ZNF559: variants seen among roughly 807,000 people sequenced by gnomAD.
The protein encoded by ZNF559 is putative protein product of Nbla00121.
In ZNF559, 17 loss-of-function variants were observed where a neutral mutation model predicts 14.2. The observed-to-expected ratio is 1.20, with a 90% confidence interval of 0.82 to 1.80. The LOEUF is 1.80. ZNF559 is among the 40% of genes most tolerant of loss of function. The probability of loss-of-function intolerance (pLI) is 0.00; values close to 1 mark genes in which losing one functional copy is unlikely to be tolerated. For synonymous variants in ZNF559, 244 were observed against 212.4 expected, an observed-to-expected ratio of 1.15 and a Z score of -1.29; for missense variants, 740 against 629.7, an observed-to-expected ratio of 1.18 and a Z score of -1.88.
At chr19:9,337,537 T>C (rs941837509) in intron 2 of ZNF559, among the ~76,000 whole-genome samples, 2 of 152,044 alleles carry the variant, frequency 1.3e-5, no homozygotes, top group African/African-American at 4.8e-5. Context: ...ACCTCAGGAG[T>C]TTAGGTTTGT....
Position 9,342,700 on chromosome 19 carries a change from G to C in ZNF559, c.1249G>C (p.Ala417Pro), listed in dbSNP as rs954659290. 8 of 1,614,088 alleles carry C rather than the reference G, an allele frequency of 5.0e-6. No individual in the cohort carries two copies. The highest frequency in any genetic ancestry group is 6.8e-6 in the Non-Finnish European group (8 of 1,180,046). The change falls in exon 7 of 7, where the codon GCC becomes CCC. Residue 417 changes from alanine (A) to proline (P), a missense_variant. By Grantham distance (27) the Ala-to-Pro change is conservative (BLOSUM62 -1). Transcript: ENST00000603380. The part of the protein sequence containing the change: ...KPYDCQQCGK[A>P]FIRSSFLIRH... ...CTATGACTGTCAACAGTGTGGGAAA[G>C]CCTTCATTCGATCCTCATTTCTTAT...
chr19:9,330,400 C>T (rs993113460), intron 2 of ZNF559, among the ~76,000 whole-genome samples: 1 of 152,158 alleles, frequency 6.6e-6, no homozygotes, highest in African/African-American at 2.4e-5. Flanking sequence ...TTTATATAGG[C>T]TTTCTACTCA....
intron 2 of ZNF559, among the ~76,000 whole-genome samples, chr19:9,327,821 A>G (rs1053046266): frequency 1.3e-5 from 2 of 152,044 alleles, no homozygotes; most frequent in African/African-American, 2.4e-5. Flanking sequence ...AACTGTCCCA[A>G]TTTTGACCAA....
chr19:9,341,467 T>C lies in ZNF559; in HGVS notation c.244-228T>C, dbSNP rs534060278. Reference sequence around the variant, plus strand: ...GGGCCGTTATCAGCTAAGCTCTATTTAGAAGCCCTCTGAAAGTAAAGAATA... The same window carrying C: ...GGGCCGTTATCAGCTAAGCTCTATTCAGAAGCCCTCTGAAAGTAAAGAATA... On this transcript the variant is annotated intron_variant, in intron 6 of 6. Coordinates refer to ENST00000603380, the MANE Select transcript of ZNF559 (RefSeq NM_032497.3). The C allele has an allele frequency of 9.4e-6, 8 of 850,936 alleles. No individual in the cohort carries two copies. The African/African-American group carries it at 1.3e-4, about 14-fold the overall frequency. The allele number at this position is 850,936 out of a possible 1,614,324, so 52.7% of individuals were successfully genotyped here.
Position 9,342,574 on chromosome 19 carries a change from C to CA in ZNF559, c.1124dup (p.His375GlnfsTer4), listed in dbSNP as rs1491196978. The CA allele has an allele frequency of 1.9e-6, 3 of 1,614,046 alleles. No homozygotes were observed. The highest frequency in any genetic ancestry group is 1.7e-5 in the Admixed American group (1 of 60,012). ...ACATCTTACTGTACATATGAGAACT[C>CA]ACACTGGTGAGAAGCCTTATCAATG... is the stretch of plus-strand genomic sequence containing the variant. On this transcript the variant is annotated frameshift_variant, in exon 7 of 7. Coordinates refer to ENST00000603380, the MANE Select transcript of ZNF559 (RefSeq NM_032497.3). LOFTEE classifies it low-confidence loss of function (END_TRUNC).
chr19:9,338,530 C>T lies in ZNF559; in HGVS notation c.-20C>T. The stretch of plus-strand genomic sequence containing the variant: ...CAAGATGTTTTCTGTCTTCATGAGT[C>T]AAAATTTGAAGAGGAAAGGATGGTG... On this transcript the variant is annotated 5_prime_UTR_variant, in exon 4 of 7. An upstream open reading frame in the 5' UTR gains an earlier in-frame stop. Coordinates refer to ENST00000603380, the MANE Select transcript of ZNF559 (RefSeq NM_032497.3). 6.2e-7 allele frequency: 1 copy of T among 1,613,876 alleles called. No homozygotes were observed. The highest frequency in any genetic ancestry group is 8.5e-7 in the Non-Finnish European group (1 of 1,179,886).
intron 5 of ZNF559, among the ~76,000 whole-genome samples, chr19:9,340,574 A>T (rs1377469764): frequency 9.7e-6 from 1 of 103,416 alleles, no homozygotes; most frequent in Non-Finnish European, 2.1e-5. Flanking sequence ...CTCTAAAAAA[A>T]AAAAAAAAAA....
intron 5 of ZNF559, among the ~76,000 whole-genome samples, chr19:9,339,704 G>A (rs573186044): frequency 6.6e-6 from 1 of 151,822 alleles, no homozygotes; most frequent in African/African-American, 2.4e-5. Context: ...GGTTCAGAAT[G>A]CCCAGACAGC....
At chr19:9,334,931 G>A (rs539546841) in intron 2 of ZNF559, among the ~76,000 whole-genome samples, 127 of 152,058 alleles carry the variant, frequency 8.4e-4, no homozygotes, top group East Asian at 3.9e-3. Context: ...TCAGGAGGTC[G>A]AAACCATCCT....
chr19:9,337,725 TTTG>T (rs2067318202), intron 2 of ZNF559, 68 bp from the exon 3 acceptor site: 4 of 1,155,142 alleles, frequency 3.5e-6, no homozygotes, highest in Non-Finnish European at 3.4e-6. Flanking sequence ...GTAAACGGGA[TTTG>T]TTATTATTTA....
intron 2 of ZNF559, 53 bp from the exon 3 acceptor site, chr19:9,337,743 C>T (rs1237382675): frequency 1.6e-6 from 2 of 1,279,812 alleles, no homozygotes; most frequent in Non-Finnish European, 2.0e-6. Flanking sequence ...TATTTATGTC[C>T]ACGTGGCATA....
intron 2 of ZNF559, among the ~76,000 whole-genome samples, chr19:9,325,491 G>A (rs1403350956): frequency 6.6e-6 from 1 of 150,860 alleles, no homozygotes; most frequent in East Asian, 2.0e-4. Context: ...TCTGTAGCTC[G>A]AGTAAAACAA....
intron 1 of ZNF559, 171 bp downstream of exon 1, chr19:9,324,399 A>T: frequency 6.8e-7 from 1 of 1,477,526 alleles, no homozygotes; most frequent in South Asian, 1.4e-5. Context: ...TGAGAGCCAC[A>T]GTCAGGTCTG....
At chr19:9,335,275 T>G (rs2067174698) in intron 2 of ZNF559, among the ~76,000 whole-genome samples, 1 of 152,092 alleles carries the variant, frequency 6.6e-6, no homozygotes, top group Admixed American at 6.6e-5. Flanking sequence ...CCCTTCTCCA[T>G]TCCAGCCCCA....
intron 5 of ZNF559, among the ~76,000 whole-genome samples, chr19:9,339,523 TAA>T (rs1442301372): frequency 1.3e-5 from 2 of 152,172 alleles, no homozygotes; most frequent in African/African-American, 2.4e-5. Context: ...TCTCCATGGA[TAA>T]AAGACTTAGA....
At position 9,329,385 on chromosome 19, in the gene ZNF559, A is replaced by T. The variant is rs535965896; in HGVS notation, c.-120+4605A>T. ...TATTGCTTTTTCTTCTTTCAGATCC[A>T]TTAATATTTGCTTTATGTATGATGA... On this transcript the variant is annotated intron_variant, in intron 2 of 6. Transcript: ENST00000603380. 7.9e-5 allele frequency among the ~76,000 whole-genome samples: 12 copies of T among 152,180 alleles called. 1 individual carries two copies. The highest frequency in any genetic ancestry group is 2.6e-4 in the African/African-American group (11 of 41,528).
At position 9,341,870 on chromosome 19, in the gene ZNF559, CTG is replaced by C. The variant is rs998596068; in HGVS notation, c.420_421del (p.Asp141TyrfsTer7). ...TCTATCTTTACTTTACACAAGAAAA[CTG>C]ATATCGGAGAGGAACTTCCTAACTG... is the stretch of plus-strand genomic sequence containing the variant. On this transcript the variant is annotated frameshift_variant, in exon 7 of 7. Transcript: ENST00000603380. LOFTEE classifies it low-confidence loss of function (END_TRUNC). The C allele has an allele frequency of 1.9e-6, 3 of 1,610,312 alleles. No homozygotes were observed. The African/African-American group carries it at 4.0e-5, about 22-fold the overall frequency.
rs1041945002 is a variant in ZNF559 at position 9,324,359 on chromosome 19, G to T, written c.-206+131G>T. 4.0e-6 allele frequency: 6 copies of T among 1,508,860 alleles called. No homozygotes were observed. The African/African-American group carries it at 7.0e-5, about 18-fold the overall frequency. The allele number at this position is 1,508,860 out of a possible 1,614,324, so 93.5% of individuals were successfully genotyped here. A position where few individuals can be genotyped will look rare whatever the true frequency, so the allele number is the denominator to read the frequency against. On this transcript the variant is annotated intron_variant, in intron 1 of 6. Transcript: ENST00000603380. The stretch of plus-strand genomic sequence containing the variant: ...CACTTTCGGGCATTTCGAGCATCTT[G>T]TGGGCTCTCCCAAGTCGCGGCCCCT...
At chr19:9,336,601 AAAAC>A (rs1300813669) in intron 2 of ZNF559, among the ~76,000 whole-genome samples, 1 of 151,666 alleles carries the variant, frequency 6.6e-6, no homozygotes, top group Non-Finnish European at 1.5e-5. Context: ...TCTCAAAAAA[AAAAC>A]AAAAAAAAAC....
Sources: gnomAD v4.1 joint callset for allele counts (sites outside exome capture counted in the v4.1 genomes callset) on GRCh38, gnomAD v4.1.1 for gene constraint, MANE v1.5 for transcripts, NCBI Gene and HGNC (gene_info 2026-07-23, HGNC 2026-07-21) for gene names.